UBE2L3: variants seen among roughly 807,000 people sequenced by gnomAD.
The protein encoded by UBE2L3 is ubiquitin conjugating enzyme E2 L3, also known as ubiquitin-conjugating enzyme E2 L3.
In UBE2L3, 1 loss-of-function variant was observed where a neutral mutation model predicts 17.8. The ratio of observed to expected loss-of-function variants is 0.06; its 90% CI spans 0.02 to 0.27. The LOEUF (loss-of-function observed/expected upper bound fraction) is 0.27. UBE2L3 is among the 10% of genes least tolerant of loss of function. The probability of loss-of-function intolerance (pLI) is 1.00; values close to 1 mark genes in which losing one functional copy is unlikely to be tolerated. For synonymous variants in UBE2L3, 44 were observed against 68.5 expected (o/e 0.64, Z 1.76); for missense variants, 40 against 192.6 (o/e 0.21, Z 4.69).
upstream of UBE2L3, among the ~76,000 whole-genome samples, chr22:21,563,677 A>T (rs1219002847): frequency 6.9e-6 from 1 of 145,130 alleles, no homozygotes; most frequent in East Asian, 2.1e-4. Flanking sequence ...CCCGGGTTCG[A>T]GCGATTCTCC....
chr22:21,602,615 TGAAAGA>T (rs1928925377), intron 2 of UBE2L3, among the ~76,000 whole-genome samples: 1 of 152,202 alleles, frequency 6.6e-6, no homozygotes, highest in Non-Finnish European at 1.5e-5. Flanking sequence ...GACAAGTGGG[TGAAAGA>T]CCCCAGATAG....
intron 1 of UBE2L3, among the ~76,000 whole-genome samples, chr22:21,587,129 A>G (rs1306829257): frequency 2.6e-5 from 4 of 151,414 alleles, no homozygotes; most frequent in East Asian, 1.9e-4. Flanking sequence ...CAAGTGATCC[A>G]CCTGCTTTGG....
At chr22:21,594,687 T>G (rs1928429736) in intron 2 of UBE2L3, among the ~76,000 whole-genome samples, 1 of 152,150 alleles carries the variant, frequency 6.6e-6, no homozygotes, top group Non-Finnish European at 1.5e-5. Context: ...TAGATTTCTT[T>G]AGGCTTGATG....
intron 1 of UBE2L3, among the ~76,000 whole-genome samples, chr22:21,583,223 C>A (rs945349813): frequency 2.6e-5 from 4 of 152,200 alleles, no homozygotes; most frequent in African/African-American, 4.8e-5. Flanking sequence ...CTGTCTTCCC[C>A]CGTCTTTCAA....
chr22:21,610,759 A>C, intron 2 of UBE2L3, 98 bp from the exon 3 acceptor site: 1 of 1,326,924 alleles, frequency 7.5e-7, no homozygotes, highest in South Asian at 1.7e-5. Context: ...AATCCCTTGA[A>C]ATAAATTGAT....
At chr22:21,552,958 C>A (rs1926124477) in intron 1 of UBE2L3, among the ~76,000 whole-genome samples, 1 of 52,060 alleles carries the variant, frequency 1.9e-5, no homozygotes, top group African/African-American at 1.4e-4. Context: ...ATCTCCTGAC[C>A]CTGTTGATCT....
intron 1 of UBE2L3, among the ~76,000 whole-genome samples, chr22:21,575,600 A>G (rs758969108): frequency 6.8e-6 from 1 of 148,116 alleles, no homozygotes; most frequent in Non-Finnish European, 1.5e-5. Flanking sequence ...AAAAAAGAGA[A>G]AAGTTTACTT....
At chr22:21,596,956 T>C (rs1222109143) in intron 2 of UBE2L3, among the ~76,000 whole-genome samples, 1 of 152,118 alleles carries the variant, frequency 6.6e-6, no homozygotes, top group Non-Finnish European at 1.5e-5. Context: ...ATGTAGAACA[T>C]GTTTTTGCAT....
chr22:21,604,330 C>T (rs944138685), intron 2 of UBE2L3, among the ~76,000 whole-genome samples: 1 of 152,028 alleles, frequency 6.6e-6, no homozygotes, highest in Admixed American at 6.6e-5. Context: ...GAAACCCCGT[C>T]TCTACTAAAA....
intron 2 of UBE2L3, among the ~76,000 whole-genome samples, chr22:21,602,868 A>C (rs1055168181): frequency 6.6e-6 from 1 of 152,218 alleles, no homozygotes. Context: ...GGATACCTGC[A>C]GATGTGGGGG....
intron 1 of UBE2L3, among the ~76,000 whole-genome samples, chr22:21,573,575 T>G (rs1248271744): frequency 6.6e-6 from 1 of 152,082 alleles, no homozygotes; most frequent in African/African-American, 2.4e-5. Context: ...AAAGACCCCC[T>G]CTGACACTGA....
At chr22:21,561,740 A>T (rs1210940969) in intron 1 of UBE2L3, among the ~76,000 whole-genome samples, 9 of 152,336 alleles carry the variant, frequency 5.9e-5, no homozygotes, top group African/African-American at 1.9e-4. Context: ...GGGGGGTGTG[A>T]TGTGGCACAG....
chr22:21,560,069 C>T (rs1036129899), intron 1 of UBE2L3, among the ~76,000 whole-genome samples: 2 of 152,252 alleles, frequency 1.3e-5, no homozygotes, highest in East Asian at 1.9e-4. Flanking sequence ...CCCAGCTCCC[C>T]AGCTCATGTG....
intron 1 of UBE2L3, among the ~76,000 whole-genome samples, chr22:21,575,685 C>G (rs1927247922): frequency 8.3e-6 from 1 of 119,914 alleles, no homozygotes; most frequent in South Asian, 3.0e-4. Flanking sequence ...CTCTGTCACC[C>G]AGGCTGGAGT....
chr22:21,561,645 G>C (rs1926436641), intron 1 of UBE2L3, among the ~76,000 whole-genome samples: 1 of 152,266 alleles, frequency 6.6e-6, no homozygotes. Flanking sequence ...ATGATAAATT[G>C]AGTCCCTGCC....
rs60425803 is a variant in UBE2L3 at position 21,596,144 on chromosome 22, G to T, written c.123+3188G>T. On this transcript the variant is annotated intron_variant, in intron 2 of 3. Transcript: ENST00000342192. ...CTCCCAAAGTGCTGGGATTACAAGC[G>T]TGAGCCACCACGCTGGCCTTCATGC... is the stretch of plus-strand genomic sequence containing the variant. Among the ~76,000 whole-genome samples, 6 of 152,166 alleles carry T rather than the reference G, an allele frequency of 3.9e-5. No individual in the cohort carries two copies. In the East Asian group the frequency reaches 1.2e-3, roughly 29 times the overall value.
At chr22:21,598,195 A>ATGTGTGTGTGTGTGTGTGTGTGTGTG (rs371127802) in intron 2 of UBE2L3, among the ~76,000 whole-genome samples, 3,327 of 148,362 alleles carry the variant, frequency 0.022, 56 homozygotes, top group Admixed American at 0.04. Context: ...GGTTTCATTA[A>ATGTGTGTGTGTGTGTGTGTGTGTGTG]TGTGTGTGTG....
intron 1 of UBE2L3, among the ~76,000 whole-genome samples, chr22:21,580,318 A>G (rs1166603726): frequency 1.3e-5 from 2 of 152,196 alleles, no homozygotes; most frequent in Non-Finnish European, 2.9e-5. Flanking sequence ...CCACTTGCCC[A>G]TCTCAGGACT....
chr22:21,602,743 C>CT (rs1928932089), intron 2 of UBE2L3, among the ~76,000 whole-genome samples: 1 of 152,212 alleles, frequency 6.6e-6, no homozygotes, highest in Admixed American at 6.5e-5. Context: ...TTTTACCCTA[C>CT]TTGCAGCCTG....
Sources: allele counts gnomAD v4.1 joint callset (sites outside exome capture counted in the v4.1 genomes callset), GRCh38; gene constraint gnomAD v4.1.1; transcripts MANE v1.5; gene names NCBI Gene and HGNC (gene_info 2026-07-23, HGNC 2026-07-21).